FAM210A: variants seen among roughly 807,000 people sequenced by gnomAD.
The protein encoded by FAM210A is mitochondrial inner membrane scaffold 1.
A neutral mutation model predicts 25.3 loss-of-function variants in FAM210A; 13 were observed. The observed-to-expected ratio is 0.51, with a 90% confidence interval of 0.33 to 0.82. FAM210A has a LOEUF of 0.82. Among genes scored for constraint, FAM210A ranks in the 40% least tolerant of loss-of-function variants. The probability of loss-of-function intolerance (pLI) is 0.02; values close to 1 mark genes in which losing one functional copy is unlikely to be tolerated. For synonymous variants in FAM210A, 125 were observed against 118.7 expected, an observed-to-expected ratio of 1.05 and a Z score of -0.35; for missense variants, 319 against 323.2, an observed-to-expected ratio of 0.99 and a Z score of 0.10.
intron 2 of FAM210A, among the ~76,000 whole-genome samples, chr18:13,676,747 A>G (rs114080494): frequency 0.02 from 3,072 of 152,224 alleles, 102 homozygotes; most frequent in African/African-American, 0.069. Context: ...TCAGCATTCT[A>G]TGGTGGAGGA....
chr18:13,686,254 TA>T (rs1421600309), intron 1 of FAM210A, among the ~76,000 whole-genome samples: 2 of 152,184 alleles, frequency 1.3e-5, no homozygotes, highest in Admixed American at 6.5e-5. Flanking sequence ...AAAGAGACAT[TA>T]AAATGAGACC....
At chr18:13,713,803 C>G (rs573995387) in intron 1 of FAM210A, among the ~76,000 whole-genome samples, 3 of 151,736 alleles carry the variant, frequency 2.0e-5, no homozygotes, top group Non-Finnish European at 4.4e-5. Context: ...TGCAGTGGCA[C>G]AATCATAGCT....
At position 13,667,061 on chromosome 18, in the gene FAM210A, C is replaced by T. The variant is rs571923535; in HGVS notation, c.586-348G>A. ...AAAAATAACAGAGGAACACATGTTTCTATTCCTTAAAAGCCCTGCCATCCT... is the reference window on the plus strand; with the variant it reads ...AAAAATAACAGAGGAACACATGTTTTTATTCCTTAAAAGCCCTGCCATCCT... On this transcript the variant is annotated intron_variant, in intron 3 of 3. Transcript: ENST00000651643. 2.0e-5 allele frequency among the ~76,000 whole-genome samples: 3 copies of T among 152,320 alleles called. No homozygotes were observed. In the East Asian group the frequency reaches 5.8e-4, roughly 29 times the overall value.
chr18:13,671,338 C>G (rs73414552), intron 3 of FAM210A, among the ~76,000 whole-genome samples: 3,058 of 152,132 alleles, frequency 0.02, 115 homozygotes, highest in African/African-American at 0.069. Flanking sequence ...GCTAACAAAT[C>G]AGGTGGCATG....
At position 13,673,731 on chromosome 18, in the gene FAM210A, C is replaced by T. The variant is rs145205226; in HGVS notation, c.474-1758G>A. ...CCTGATTATTAACATTCCTGAGCCCCGACTTATTTCCAGTTCCCTGATTAT... is the reference window on the plus strand; with the variant it reads ...CCTGATTATTAACATTCCTGAGCCCTGACTTATTTCCAGTTCCCTGATTAT... On this transcript the variant is annotated intron_variant, in intron 2 of 3. Coordinates refer to ENST00000651643, the MANE Select transcript of FAM210A (RefSeq NM_152352.4). 3.2e-3 allele frequency among the ~76,000 whole-genome samples: 461 copies of T among 142,256 alleles called. 4 individuals carry two copies. Among genetic ancestry groups the T allele is most frequent in the East Asian group, 0.029 (127 of 4,424 alleles). 93.3% of individuals were successfully genotyped at this position (142,256 alleles called of 152,430 possible). A position where few individuals can be genotyped will look rare whatever the true frequency, so the allele number is the denominator to read the frequency against.
intron 1 of FAM210A, among the ~76,000 whole-genome samples, chr18:13,685,405 G>T (rs1271135892): frequency 6.6e-6 from 1 of 151,606 alleles, no homozygotes; most frequent in Non-Finnish European, 1.5e-5. Flanking sequence ...TGAGAGTCTA[G>T]CACCTTTTAA....
At chr18:13,682,731 T>C (rs5020071) in intron 1 of FAM210A, among the ~76,000 whole-genome samples, 144,386 of 152,174 alleles carry the variant, frequency 0.95, 68,587 homozygotes, top group African/African-American at 0.99. Context: ...TAGCCGGGAA[T>C]GGTGGTGTGT....
intron 1 of FAM210A, among the ~76,000 whole-genome samples, chr18:13,693,923 G>A (rs969909242): frequency 1.3e-5 from 2 of 152,182 alleles, no homozygotes; most frequent in Non-Finnish European, 2.9e-5. Flanking sequence ...ATTCAATTAG[G>A]AAAAGAGGAA....
intron 1 of FAM210A, among the ~76,000 whole-genome samples, chr18:13,683,760 T>A (rs900044771): frequency 3.3e-5 from 5 of 152,126 alleles, no homozygotes; most frequent in Non-Finnish European, 5.9e-5. Context: ...TACTAACATG[T>A]TGAGAACAGA....
intron 2 of FAM210A, among the ~76,000 whole-genome samples, chr18:13,678,976 TAA>T (rs2043526718): frequency 6.6e-6 from 1 of 152,214 alleles, no homozygotes; most frequent in South Asian, 2.1e-4. Context: ...CTTCTGGACA[TAA>T]GACACCAGAT....
chr18:13,679,600 T>C (rs1246430247), intron 2 of FAM210A, among the ~76,000 whole-genome samples: 1 of 152,182 alleles, frequency 6.6e-6, no homozygotes, highest in Non-Finnish European at 1.5e-5. Flanking sequence ...ATTCTCTACG[T>C]GATGCTATGA....
chr18:13,688,565 C>T (rs577381090), intron 1 of FAM210A, among the ~76,000 whole-genome samples: 67 of 152,352 alleles, frequency 4.4e-4, no homozygotes, highest in African/African-American at 1.5e-3. Context: ...ATCCTTCAAT[C>T]GTCTGCATGA....
rs199556029 is a variant in FAM210A at position 13,706,720 on chromosome 18, CTT to C, written c.-29+19607_-29+19608del. ...GTAAAGGCTATTGTTGCACAACAGACTTTAAATTCTCTTGTGAAGGTTATGCT... is the reference window on the plus strand; with the variant it reads ...GTAAAGGCTATTGTTGCACAACAGACTAAATTCTCTTGTGAAGGTTATGCT... On this transcript the variant is annotated intron_variant, in intron 1 of 3. Coordinates refer to ENST00000651643, the MANE Select transcript of FAM210A (RefSeq NM_152352.4). Among the ~76,000 whole-genome samples the C allele has an allele frequency of 6.9e-3, 1,050 of 152,314 alleles. 47 individuals are homozygous for C. The highest frequency in any genetic ancestry group is 0.06 in the Admixed American group (918 of 15,292).
intron 1 of FAM210A, among the ~76,000 whole-genome samples, chr18:13,694,243 G>A (rs941150072): frequency 1.4e-5 from 2 of 145,578 alleles, no homozygotes; most frequent in Non-Finnish European, 3.0e-5. Flanking sequence ...AACAAATGGA[G>A]GAACATTCCA....
intron 2 of FAM210A, among the ~76,000 whole-genome samples, chr18:13,677,502 C>G (rs1601944773): frequency 6.6e-6 from 1 of 152,208 alleles, no homozygotes; most frequent in East Asian, 1.9e-4. Context: ...GAACACAACA[C>G]AACAGAACAG....
chr18:13,709,353 T>C (rs1205246555), intron 1 of FAM210A, among the ~76,000 whole-genome samples: 1 of 152,230 alleles, frequency 6.6e-6, no homozygotes, highest in Non-Finnish European at 1.5e-5. Flanking sequence ...CCAGCCACAC[T>C]GGGCTTGCAG....
At chr18:13,693,959 A>G (rs1262482268) in intron 1 of FAM210A, among the ~76,000 whole-genome samples, 3 of 152,222 alleles carry the variant, frequency 2.0e-5, no homozygotes, top group Non-Finnish European at 4.4e-5. Flanking sequence ...TTTGCAGATG[A>G]CATGATTGTA....
intron 1 of FAM210A, among the ~76,000 whole-genome samples, chr18:13,699,064 C>CTTT (rs1170043633): frequency 6.6e-6 from 1 of 152,224 alleles, no homozygotes; most frequent in East Asian, 1.9e-4. Flanking sequence ...ACTTCAGCCT[C>CTTT]CCAAAGTGCT....
intron 1 of FAM210A, among the ~76,000 whole-genome samples, chr18:13,698,829 C>T (rs550758816): frequency 6.6e-6 from 1 of 152,192 alleles, no homozygotes; most frequent in Non-Finnish European, 1.5e-5. Flanking sequence ...ACCCCTCCCC[C>T]CGATACCTAT....
Sources: allele counts gnomAD v4.1 joint callset (sites outside exome capture counted in the v4.1 genomes callset), GRCh38; gene constraint gnomAD v4.1.1; transcripts MANE v1.5; gene names NCBI Gene and HGNC (gene_info 2026-07-23, HGNC 2026-07-21).